The following WWTR1 variants were observed in gnomAD, a reference collection of about 807,000 sequenced individuals.
The protein encoded by WWTR1 is WW domain containing transcription regulator 1, also known as WW domain-containing transcription regulator protein 1.
In WWTR1, 13 loss-of-function variants were observed where a neutral mutation model predicts 40.1. That is an observed-to-expected ratio of 0.32 (90% CI 0.21 to 0.52). The LOEUF (loss-of-function observed/expected upper bound fraction) is 0.52, where lower values mean the gene tolerates loss of function less well. WWTR1 is among the 20% of genes least tolerant of loss of function. WWTR1 has a pLI of 0.97. For missense variants in WWTR1, 436 were observed against 523.1 expected (o/e 0.83, Z 1.63); for synonymous variants, 230 against 210.1 (o/e 1.09, Z -0.82).
chr3:149,554,874 G>A (rs1736752776), intron 3 of WWTR1, among the ~76,000 whole-genome samples: 1 of 152,208 alleles, frequency 6.6e-6, no homozygotes, highest in Non-Finnish European at 1.5e-5. Flanking sequence ...TGAAAAAGAG[G>A]AAATTTAGTT....
At chr3:149,606,728 G>A (rs1474909595) in intron 2 of WWTR1, among the ~76,000 whole-genome samples, 1 of 152,134 alleles carries the variant, frequency 6.6e-6, no homozygotes, top group Non-Finnish European at 1.5e-5. Flanking sequence ...AAGAAGTAAG[G>A]ATGCTAACAG....
intron 2 of WWTR1, among the ~76,000 whole-genome samples, chr3:149,594,822 T>C (rs144596782): frequency 6.6e-6 from 1 of 152,182 alleles, no homozygotes; most frequent in Non-Finnish European, 1.5e-5. Context: ...GTCATATTAT[T>C]GTACTAAGGT....
At chr3:149,614,019 CA>C (rs1739856269) in intron 2 of WWTR1, among the ~76,000 whole-genome samples, 1 of 152,188 alleles carries the variant, frequency 6.6e-6, no homozygotes, top group South Asian at 2.1e-4. Flanking sequence ...CCATTACTAA[CA>C]CTTCAGTACT....
chr3:149,631,904 G>A (rs1334968394), intron 2 of WWTR1, among the ~76,000 whole-genome samples: 1 of 152,106 alleles, frequency 6.6e-6, no homozygotes, highest in East Asian at 1.9e-4. Context: ...TAATAAAATT[G>A]AGAACTTTAA....
chr3:149,558,333 G>A (rs373795588), intron 3 of WWTR1, among the ~76,000 whole-genome samples: 10 of 152,056 alleles, frequency 6.6e-5, no homozygotes, highest in African/African-American at 9.7e-5. Context: ...GATATATTAT[G>A]TGTCAAATAA....
intron 3 of WWTR1, among the ~76,000 whole-genome samples, chr3:149,565,857 G>A (rs956502697): frequency 5.9e-5 from 9 of 151,584 alleles, no homozygotes; most frequent in Non-Finnish European, 1.2e-4. Flanking sequence ...GTTGTGGGGA[G>A]GTGGAGGTTG....
chr3:149,651,432 A>G (rs1188452006), intron 2 of WWTR1, among the ~76,000 whole-genome samples: 1 of 152,218 alleles, frequency 6.6e-6, no homozygotes, highest in Non-Finnish European at 1.5e-5. Flanking sequence ...ACCAGTTCAG[A>G]ACGGCACAGA....
chr3:149,550,608 GT>G, intron 3 of WWTR1, among the ~76,000 whole-genome samples: 1 of 152,308 alleles, frequency 6.6e-6, no homozygotes, highest in East Asian at 1.9e-4. Flanking sequence ...TAAAGAAGCT[GT>G]TTAGGACACG....
At chr3:149,677,178 A>C (rs984812347) in intron 1 of WWTR1, among the ~76,000 whole-genome samples, 2 of 152,064 alleles carry the variant, frequency 1.3e-5, no homozygotes, top group Non-Finnish European at 2.9e-5. Flanking sequence ...AGCCTCCCAA[A>C]GTGCTGGGAT....
intron 2 of WWTR1, among the ~76,000 whole-genome samples, chr3:149,631,140 G>T (rs1711536567): frequency 6.6e-6 from 1 of 152,088 alleles, no homozygotes; most frequent in African/African-American, 2.4e-5. Flanking sequence ...AGAGGAAGAG[G>T]AATAAAGATT....
At chr3:149,579,434 G>A (rs1738042365) in intron 2 of WWTR1, among the ~76,000 whole-genome samples, 1 of 152,162 alleles carries the variant, frequency 6.6e-6, no homozygotes, top group African/African-American at 2.4e-5. Context: ...CATCCCCTCA[G>A]TGAAATTCCT....
At chr3:149,598,010 C>G (rs1157901891) in intron 2 of WWTR1, among the ~76,000 whole-genome samples, 1 of 152,140 alleles carries the variant, frequency 6.6e-6, no homozygotes, top group Non-Finnish European at 1.5e-5. Flanking sequence ...CAAGCAGCAT[C>G]TGTACTCAAG....
chr3:149,568,072 G>T (rs182482483), intron 3 of WWTR1, among the ~76,000 whole-genome samples: 166 of 152,064 alleles, frequency 1.1e-3, no homozygotes, highest in African/African-American at 3.9e-3. Flanking sequence ...AGTAAGGAAG[G>T]CCCACAACCT....
intron 4 of WWTR1, among the ~76,000 whole-genome samples, chr3:149,535,497 C>T (rs556149334): frequency 4.8e-4 from 73 of 152,238 alleles, no homozygotes; most frequent in African/African-American, 1.7e-3. Context: ...TAATGCTCAG[C>T]TGCCAGACTG....
chr3:149,697,316 T>C (rs2108219570), intron 1 of WWTR1, among the ~76,000 whole-genome samples: 1 of 147,782 alleles, frequency 6.8e-6, no homozygotes, highest in South Asian at 2.4e-4. Flanking sequence ...GGTGCCACAG[T>C]CTTTTAAACA....
rs1735668532 is a variant in WWTR1 at position 149,533,127 on chromosome 3, T to A, written c.772-5158A>T. On this transcript the variant is annotated intron_variant, in intron 4 of 6. Coordinates refer to ENST00000360632, the MANE Select transcript of WWTR1 (RefSeq NM_015472.6). Reference sequence around the variant, plus strand: ...TTCACAGATCCCTTCCAGGGTCCCCTCTGTGTCCACCCTGCCCTCCAAACA... The same window carrying A: ...TTCACAGATCCCTTCCAGGGTCCCCACTGTGTCCACCCTGCCCTCCAAACA... Among the ~76,000 whole-genome samples, 4 of 152,182 alleles carry A rather than the reference T, an allele frequency of 2.6e-5. No individual in the cohort carries two copies. In the South Asian group the frequency reaches 8.3e-4, roughly 32 times the overall value.
chr3:149,638,044 C>T (rs761497213), intron 2 of WWTR1, among the ~76,000 whole-genome samples: 2 of 151,930 alleles, frequency 1.3e-5, no homozygotes, highest in African/African-American at 2.4e-5. Context: ...GGTGAAACCC[C>T]GTCTCTACTA....
chr3:149,638,191 G>C (rs1322589658), intron 2 of WWTR1, among the ~76,000 whole-genome samples: 1 of 152,054 alleles, frequency 6.6e-6, no homozygotes, highest in African/African-American at 2.4e-5. Flanking sequence ...ACTCCAGCCT[G>C]GGCAACAAGA....
chr3:149,721,351 T>C (rs1715754652), intron 4 of WWTR1, among the ~76,000 whole-genome samples: 1 of 152,228 alleles, frequency 6.6e-6, no homozygotes, highest in African/African-American at 2.4e-5. Flanking sequence ...CTGCACCACT[T>C]GGGATGATCA....
Sources: allele counts gnomAD v4.1 joint callset (sites outside exome capture counted in the v4.1 genomes callset), GRCh38; gene constraint gnomAD v4.1.1; transcripts MANE v1.5; gene names NCBI Gene and HGNC (gene_info 2026-07-23, HGNC 2026-07-21).